SNX1: variants seen among roughly 807,000 people sequenced by gnomAD.
SNX1 encodes the protein sorting nexin-1.
In SNX1, 36 loss-of-function variants were observed where a neutral mutation model predicts 71.8. That is an observed-to-expected ratio of 0.50 (90% CI 0.38 to 0.66). SNX1 has a LOEUF of 0.66. Ranked by LOEUF, SNX1 falls within the 30% of genes least tolerant of loss-of-function variation. The probability of loss-of-function intolerance (pLI) is 0.00; values close to 1 mark genes in which losing one functional copy is unlikely to be tolerated. For missense variants in SNX1, 612 were observed against 646.7 expected (o/e 0.95, Z 0.58); for synonymous variants, 254 against 240.7 (o/e 1.06, Z -0.51).
intron 1 of SNX1, among the ~76,000 whole-genome samples, chr15:64,098,538 C>T (rs2140126899): frequency 6.6e-6 from 1 of 152,060 alleles, no homozygotes; most frequent in South Asian, 2.1e-4. Flanking sequence ...ACTAAAAATA[C>T]AAAAATTATC....
chr15:64,134,553 G>A lies in SNX1; in HGVS notation c.1222-111G>A. On this transcript the variant is annotated intron_variant, in intron 11 of 14. Coordinates refer to ENST00000559844, the MANE Select transcript of SNX1 (RefSeq NM_003099.5). This position sits in a 1 kb window ranked among gnomAD's most constrained non-coding sequence, Gnocchi z 4.1. Reference sequence around the variant, plus strand: ...GCACTAACATGTGGCTGCAGAACCTGCCCTTGCTCAGTCTGTCCCTGGTGC... The same window carrying A: ...GCACTAACATGTGGCTGCAGAACCTACCCTTGCTCAGTCTGTCCCTGGTGC... 2 of 1,310,668 alleles carry A rather than the reference G, an allele frequency of 1.5e-6. No individual in the cohort carries two copies. Among genetic ancestry groups the A allele is most frequent in the South Asian group, 2.9e-5 (2 of 67,886 alleles). 81.2% of individuals were successfully genotyped at this position (1,310,668 alleles called of 1,614,324 possible). A position where few individuals can be genotyped will look rare whatever the true frequency, so the allele number is the denominator to read the frequency against.
chr15:64,138,036 G>C lies in SNX1; in HGVS notation c.*418G>C, dbSNP rs1023766070. 1 of 1,512,570 alleles carries C rather than the reference G, an allele frequency of 6.6e-7. No individual in the cohort carries two copies. The highest frequency in any genetic ancestry group is 8.8e-7 in the Non-Finnish European group (1 of 1,139,876). 93.7% of individuals were successfully genotyped at this position (1,512,570 alleles called of 1,614,324 possible). On this transcript the variant is annotated 3_prime_UTR_variant, in exon 15 of 15. Coordinates refer to ENST00000559844, the MANE Select transcript of SNX1 (RefSeq NM_003099.5). Reference sequence around the variant, plus strand: ...ATGACTCAGAATGTTGGTGGTTTTTGCTTAGGCTGGGGAGCAGTTGGGAAT... The same window carrying C: ...ATGACTCAGAATGTTGGTGGTTTTTCCTTAGGCTGGGGAGCAGTTGGGAAT...
chr15:64,132,301 T>C, intron 11 of SNX1: 1 of 217,516 alleles, frequency 4.6e-6, no homozygotes, highest in Non-Finnish European at 9.4e-6. Context: ...GGCTTTGCCC[T>C]GGTTAAGAGC....
intron 3 of SNX1, 24 bp from the exon 4 acceptor site, chr15:64,118,764 A>C: frequency 6.3e-7 from 1 of 1,592,466 alleles, no homozygotes; most frequent in Non-Finnish European, 8.6e-7. Context: ...ATCAACTCTC[A>C]TGATTTGTCT....
Position 64,143,980 on chromosome 15 carries a change from A to G in SNX1, c.*6362A>G, listed in dbSNP as rs1326123030. 2.6e-5 allele frequency: 4 copies of G among 152,228 alleles called. No homozygotes were observed. The highest frequency in any genetic ancestry group is 3.8e-4 in the East Asian group (2 of 5,196). 9.4% of individuals were successfully genotyped at this position (152,228 alleles called of 1,614,324 possible). On this transcript the variant is annotated 3_prime_UTR_variant, in exon 15 of 15. Transcript: ENST00000559844. ...CAGCCATTGAAGATGATATATAGCT[A>G]TATTCATTGACAAGGAAAACTCATA...
chr15:64,131,907 C>G lies in SNX1; in HGVS notation c.1221+15C>G. The G allele has an allele frequency of 6.2e-7, 1 of 1,611,330 alleles. No individual in the cohort carries two copies. The highest frequency in any genetic ancestry group is 1.1e-5 in the South Asian group (1 of 91,046). ...CCATAGTCCGCGTAAGCTTCTGTTTCCTTTTCTCCTCCTTCCCTTGATTTG... is the reference window on the plus strand; with the variant it reads ...CCATAGTCCGCGTAAGCTTCTGTTTGCTTTTCTCCTCCTTCCCTTGATTTG... On this transcript the variant is annotated intron_variant, in intron 11 of 14. Coordinates refer to ENST00000559844, the MANE Select transcript of SNX1 (RefSeq NM_003099.5).
At chr15:64,131,237 G>A (rs187948044) in intron 10 of SNX1, among the ~76,000 whole-genome samples, 1 of 152,250 alleles carries the variant, frequency 6.6e-6, no homozygotes, top group African/African-American at 2.4e-5. Context: ...GAGCTGAGAT[G>A]GCGCCACTGC....
chr15:64,117,446 CGG>C (rs1250219964), intron 2 of SNX1, among the ~76,000 whole-genome samples: 1 of 152,018 alleles, frequency 6.6e-6, no homozygotes, highest in Non-Finnish European at 1.5e-5. Flanking sequence ...TTAGTAGAGA[CGG>C]GGTTTCACCA....
At chr15:64,111,433 G>T (rs2081076914) in intron 1 of SNX1, 1 of 152,086 alleles carries the variant, frequency 6.6e-6, no homozygotes, top group Non-Finnish European at 1.5e-5. Flanking sequence ...TTCTTTTCTT[G>T]TTCTTTTTTC....
intron 12 of SNX1, 100 bp from the exon 13 acceptor site, chr15:64,136,230 G>A (rs2081357956): frequency 1.1e-6 from 1 of 871,490 alleles, no homozygotes; most frequent in African/African-American, 1.7e-5. Flanking sequence ...CAGACATAAT[G>A]ATCAATTGAG....
chr15:64,104,665 A>G (rs2081000522), intron 1 of SNX1, among the ~76,000 whole-genome samples: 1 of 151,526 alleles, frequency 6.6e-6, no homozygotes, highest in Admixed American at 6.6e-5. Context: ...CAGGTAGATC[A>G]CCTGAGGTTG....
At chr15:64,127,695 G>A (rs892627475) in intron 7 of SNX1, 36 bp from the exon 8 acceptor site, 3 of 1,545,504 alleles carry the variant, frequency 1.9e-6, no homozygotes, top group Non-Finnish European at 2.7e-6. Flanking sequence ...TCTGAGGCCA[G>A]CTCAACTAAC....
chr15:64,114,266 C>CATA (rs1194510174), intron 2 of SNX1, among the ~76,000 whole-genome samples: 1 of 151,762 alleles, frequency 6.6e-6, no homozygotes, highest in East Asian at 1.9e-4. Context: ...AAAGACTGAA[C>CATA]ATAAGGTAAT....
intron 11 of SNX1, among the ~76,000 whole-genome samples, chr15:64,132,627 C>T (rs966282176): frequency 3.3e-5 from 5 of 152,202 alleles, no homozygotes; most frequent in African/African-American, 1.2e-4. Flanking sequence ...AGCCTGGCAC[C>T]TACACTCTAA....
chr15:64,112,456 T>C, intron 1 of SNX1, 117 bp from the exon 2 acceptor site: 1 of 615,446 alleles, frequency 1.6e-6, no homozygotes, highest in Non-Finnish European at 2.9e-6. Flanking sequence ...AACGATTTGC[T>C]GCTTATTGAA....
chr15:64,112,723 A>G lies in SNX1; in HGVS notation c.271+39A>G, dbSNP rs1040099144. 5 of 1,344,698 alleles carry G rather than the reference A, an allele frequency of 3.7e-6. No homozygotes were observed. The African/African-American group carries it at 5.9e-5, about 16-fold the overall frequency. 83.3% of individuals were successfully genotyped at this position (1,344,698 alleles called of 1,614,324 possible). On this transcript the variant is annotated intron_variant, in intron 2 of 14. Coordinates refer to ENST00000559844, the MANE Select transcript of SNX1 (RefSeq NM_003099.5). ...CAAAAGTTACTCTAGGAACCTCCTA[A>G]ATGGCTTTGTTAAGTTGCTGAGTTA... is the stretch of plus-strand genomic sequence containing the variant.
At chr15:64,110,248 G>A (rs1476864676) in intron 1 of SNX1, among the ~76,000 whole-genome samples, 1 of 152,130 alleles carries the variant, frequency 6.6e-6, no homozygotes, top group East Asian at 1.9e-4. Flanking sequence ...TAGTAAGTAT[G>A]GTCATGTCTA....
chr15:64,103,525 T>C (rs984166449), intron 1 of SNX1, among the ~76,000 whole-genome samples: 4 of 152,266 alleles, frequency 2.6e-5, no homozygotes, highest in South Asian at 2.1e-4. Flanking sequence ...TAATTTCTTC[T>C]ATTCTTTCGA....
At chr15:64,127,583 A>T in intron 7 of SNX1, 148 bp from the exon 8 acceptor site, 1 of 630,568 alleles carries the variant, frequency 1.6e-6, no homozygotes, top group Non-Finnish European at 2.8e-6. Flanking sequence ...GAATATGCTT[A>T]CAAGGAGAGA....
Sources: allele counts gnomAD v4.1 joint callset (sites outside exome capture counted in the v4.1 genomes callset), GRCh38; gene constraint gnomAD v4.1.1; non-coding constraint Gnocchi (gnomAD v3.1); transcripts MANE v1.5; gene names NCBI Gene and HGNC (gene_info 2026-07-23, HGNC 2026-07-21).